The following CCNY variants were observed in gnomAD, a reference collection of about 807,000 sequenced individuals.
CCNY encodes the protein cyclin Y.
A neutral mutation model predicts 42.8 loss-of-function variants in CCNY; 19 were observed. That is an observed-to-expected ratio of 0.44 (90% CI 0.31 to 0.65). The LOEUF (loss-of-function observed/expected upper bound fraction) is 0.65, where lower values mean the gene tolerates loss of function less well. Ranked by LOEUF, CCNY falls within the 30% of genes least tolerant of loss-of-function variation. The pLI is 0.07. For missense variants in CCNY, 370 were observed against 437.3 expected (o/e 0.85, Z 1.37); for synonymous variants, 165 against 162.7 (o/e 1.01, Z -0.11).
chr10:35,358,642 G>A (rs925469988), intron 1 of CCNY, among the ~76,000 whole-genome samples: 9 of 152,350 alleles, frequency 5.9e-5, no homozygotes, highest in African/African-American at 1.9e-4. Flanking sequence ...GGCCTGACCT[G>A]TAGATACAAC....
rs1377636189 is a variant in CCNY at position 35,571,048 on chromosome 10, T to C, written c.*1878T>C. The stretch of plus-strand genomic sequence containing the variant: ...AGAACTTTGAATACAGGTCAAAAAA[T>C]GTAGAAAATATCATTTTATATTCCC... On this transcript the variant is annotated 3_prime_UTR_variant, in exon 10 of 10. Transcript: ENST00000374704. 1 of 152,178 alleles carries C rather than the reference T, an allele frequency of 6.6e-6. No homozygotes were observed. The highest frequency in any genetic ancestry group is 2.4e-5 in the African/African-American group (1 of 41,450). The allele number at this position is 152,178 out of a possible 1,614,324, so 9.4% of individuals were successfully genotyped here.
At chr10:35,303,764 C>T (rs759980991) in intron 3 of CCNY, among the ~76,000 whole-genome samples, 29 of 105,798 alleles carry the variant, frequency 2.7e-4, no homozygotes, top group Admixed American at 2.9e-4. Flanking sequence ...GCGACAACAG[C>T]GAAACTCCGT....
At chr10:35,427,993 A>G (rs762966346) in intron 1 of CCNY, among the ~76,000 whole-genome samples, 2 of 152,212 alleles carry the variant, frequency 1.3e-5, no homozygotes, top group Non-Finnish European at 2.9e-5. Flanking sequence ...AGTGGTGAAG[A>G]TGAAGGAAAG....
intron 3 of CCNY, chr10:35,315,407 T>A (rs1835743408): frequency 6.6e-6 from 1 of 152,346 alleles, no homozygotes; most frequent in East Asian, 1.9e-4. Context: ...GATGATGGCC[T>A]CCAGCTCCAT....
rs1437909687 is a variant in CCNY at position 35,525,979 on chromosome 10, A to G, written c.381A>G (p.Ile127Met). The change falls in exon 5 of 10, where the codon ATA becomes ATG. Residue 127 changes from isoleucine to methionine, a missense_variant. Ile to Met is a conservative substitution (Grantham distance 10, BLOSUM62 1). Around this residue, in one of 2 missense-constraint regions of CCNY, gnomAD observed 234 missense variants for 313.1 expected, o/e 0.75. Coordinates refer to ENST00000374704, the MANE Select transcript of CCNY (RefSeq NM_145012.6). ...KYTIKCVALA[I>M]YYHIKNRDPD... ...ATTTTTACAGTGTCGCTCTTGCAAT[A>G]TATTATCACATCAAAAACAGGTATG... The G allele has an allele frequency of 2.5e-6, 4 of 1,611,850 alleles. No individual in the cohort carries two copies. Among genetic ancestry groups the G allele is most frequent in the Non-Finnish European group, 3.4e-6 (4 of 1,179,388 alleles).
At chr10:35,502,037 TA>T (rs1419809527) in intron 3 of CCNY, among the ~76,000 whole-genome samples, 4 of 152,160 alleles carry the variant, frequency 2.6e-5, no homozygotes, top group African/African-American at 9.7e-5. Context: ...ACACTAAATT[TA>T]AAAAAGATGT....
chr10:35,344,726 T>TC (rs566899335), intron 1 of CCNY, among the ~76,000 whole-genome samples: 79 of 150,304 alleles, frequency 5.3e-4, no homozygotes, highest in African/African-American at 1.9e-3. Flanking sequence ...CCCTCCCCAC[T>TC]CCCCCCACCC....
At chr10:35,433,182 C>T (rs1345652576) in intron 1 of CCNY, among the ~76,000 whole-genome samples, 1 of 152,066 alleles carries the variant, frequency 6.6e-6, no homozygotes, top group African/African-American at 2.4e-5. Context: ...CCTGTCTCTA[C>T]AAAAAATAAT....
intron 1 of CCNY, among the ~76,000 whole-genome samples, chr10:35,364,881 C>T (rs1836775749): frequency 1.3e-5 from 2 of 152,086 alleles, no homozygotes; most frequent in African/African-American, 4.8e-5. Context: ...AGAATTGAGC[C>T]CTTCTCTAAG....
intron 1 of CCNY, among the ~76,000 whole-genome samples, chr10:35,411,156 C>T (rs960511189): frequency 6.6e-6 from 1 of 152,038 alleles, no homozygotes; most frequent in Admixed American, 6.6e-5. Flanking sequence ...ATCTGAAACA[C>T]AAAAAGATTC....
intron 3 of CCNY, among the ~76,000 whole-genome samples, chr10:35,284,635 T>G (rs1007681612): frequency 3.9e-5 from 6 of 152,118 alleles, no homozygotes; most frequent in Non-Finnish European, 7.4e-5. Flanking sequence ...CTGATCCTTG[T>G]TTCCTTCCTT....
intron 1 of CCNY, among the ~76,000 whole-genome samples, chr10:35,386,355 C>T (rs1048518104): frequency 2.6e-5 from 4 of 152,146 alleles, no homozygotes; most frequent in Admixed American, 2.6e-4. Flanking sequence ...CTGCAGGTCT[C>T]TCTTAAGAGA....
intron 2 of CCNY, among the ~76,000 whole-genome samples, chr10:35,499,955 T>TATGC (rs1186797347): frequency 1.3e-5 from 2 of 152,264 alleles, no homozygotes; most frequent in African/African-American, 4.8e-5. Context: ...TGTATGTATG[T>TATGC]ATGCCAGGAA....
rs563501239 is a variant in CCNY, at chr10:35,539,734, C to T, written c.579+9491C>T. ...CCCGGGAGGCAGAGGTTGCAGTGAG[C>T]CAAGATTGCGCCACTGCACTCCAGC... On this transcript the variant is annotated intron_variant, in intron 7 of 9. Coordinates refer to ENST00000374704, the MANE Select transcript of CCNY (RefSeq NM_145012.6). 4.6e-5 allele frequency among the ~76,000 whole-genome samples: 7 copies of T among 152,280 alleles called. No homozygotes were observed. In the East Asian group the frequency reaches 1.3e-3, roughly 29 times the overall value.
intron 1 of CCNY, among the ~76,000 whole-genome samples, chr10:35,352,236 A>T (rs1413642324): frequency 6.6e-6 from 1 of 152,222 alleles, no homozygotes; most frequent in Non-Finnish European, 1.5e-5. Flanking sequence ...TTATGTAAAC[A>T]CAATGCTAGT....
At chr10:35,438,272 C>T (rs1328577052) in intron 1 of CCNY, among the ~76,000 whole-genome samples, 1 of 151,642 alleles carries the variant, frequency 6.6e-6, no homozygotes, top group Non-Finnish European at 1.5e-5. Context: ...CCTCAGCCTT[C>T]CAAGTAGCTG....
At chr10:35,484,015 C>T (rs1371128207) in intron 2 of CCNY, among the ~76,000 whole-genome samples, 1 of 151,970 alleles carries the variant, frequency 6.6e-6, no homozygotes, top group Non-Finnish European at 1.5e-5. Context: ...ATGGTTCATC[C>T]CAGGTGTGTG....
At chr10:35,480,303 C>T (rs1839638067) in intron 1 of CCNY, among the ~76,000 whole-genome samples, 2 of 152,132 alleles carry the variant, frequency 1.3e-5, no homozygotes, top group Non-Finnish European at 2.9e-5. Flanking sequence ...TGGTGCTCAC[C>T]TTTCATAGGG....
intron 1 of CCNY, among the ~76,000 whole-genome samples, chr10:35,405,077 T>G (rs1012883057): frequency 1.3e-5 from 2 of 152,130 alleles, no homozygotes; most frequent in Non-Finnish European, 2.9e-5. Context: ...ACTGGGTGGA[T>G]AGGCAAGACA....
Sources: allele counts gnomAD v4.1 joint callset (sites outside exome capture counted in the v4.1 genomes callset), GRCh38; gene constraint gnomAD v4.1.1; regional missense constraint gnomAD v4.1.1; transcripts MANE v1.5; gene names NCBI Gene and HGNC (gene_info 2026-07-23, HGNC 2026-07-21).